DMD: variants seen among roughly 807,000 people sequenced by gnomAD.
The protein encoded by DMD is mutant dystrophin.
A neutral mutation model predicts 330.1 loss-of-function variants in DMD; 63 were observed. That is an observed-to-expected ratio of 0.19 (90% CI 0.16 to 0.24). DMD has a LOEUF of 0.24. Among genes scored for constraint, DMD ranks in the 10% least tolerant of loss-of-function variants. The pLI, the probability that DMD is intolerant of heterozygous loss-of-function variation, is 1.00. For missense variants in DMD, 3,344 were observed against 2,684.1 expected (o/e 1.25, Z -5.43); for synonymous variants, 1,223 against 959.8 (o/e 1.27, Z -5.07).
At chrX:31,514,820 T>C (rs1049008647) in intron 55 of DMD, among the ~76,000 whole-genome samples, 6 of 111,325 alleles carry the variant, frequency 5.4e-5, no homozygotes, top group African/African-American at 2.0e-4. Context: ...AAAGAAAATA[T>C]TCCAGGTAAA....
At chrX:31,273,966 G>A (rs1456740504) in intron 62 of DMD, among the ~76,000 whole-genome samples, 1 of 112,358 alleles carries the variant, frequency 8.9e-6, no homozygotes, top group East Asian at 2.8e-4. Flanking sequence ...GGGGAATGCT[G>A]TGTTCATGCA....
intron 44 of DMD, among the ~76,000 whole-genome samples, chrX:32,123,244 A>ATATATAT (rs1569544914): frequency 8.0e-4 from 34 of 42,702 alleles, no homozygotes; most frequent in African/African-American, 3.1e-3. Context: ...TATATATATA[A>ATATATAT]ATGATCAAAA....
chrX:32,729,706 T>C (rs903291658), intron 7 of DMD, among the ~76,000 whole-genome samples: 64 of 111,743 alleles, frequency 5.7e-4, no homozygotes, highest in African/African-American at 2.1e-3. Context: ...CTTATGTCTC[T>C]TAAGGAGCTT....
intron 2 of DMD, among the ~76,000 whole-genome samples, chrX:32,935,130 C>A (rs375551360): frequency 4.4e-5 from 5 of 112,398 alleles, no homozygotes; most frequent in Non-Finnish European, 5.6e-5. Context: ...AGGCGCCCGC[C>A]ACCACGCCCC....
Position 31,717,688 on chromosome X carries a change from C to T in DMD, c.7660+11943G>A, listed in dbSNP as rs17340888. Among the ~76,000 whole-genome samples, 372 of 112,223 alleles carry T rather than the reference C, an allele frequency of 3.3e-3. 1 individual carries two copies. Among genetic ancestry groups the T allele is most frequent in the East Asian group, 0.033 (118 of 3,563 alleles). On this transcript the variant is annotated intron_variant, in intron 52 of 78. Transcript: ENST00000357033. ...GTTCTGCACAATTACACTTGATGTT[C>T]ACATTTTCAGGTTGACTGGGTTTTA...
chrX:33,219,984 G>A (rs749908136), intron 1 of DMD, among the ~76,000 whole-genome samples: 1 of 110,945 alleles, frequency 9.0e-6, no homozygotes, highest in Non-Finnish European at 1.9e-5. Flanking sequence ...CAGCAAGAGA[G>A]GTAATTTGTT....
At chrX:31,368,603 G>C (rs2059382577) in intron 60 of DMD, among the ~76,000 whole-genome samples, 1 of 110,696 alleles carries the variant, frequency 9.0e-6, no homozygotes, top group Non-Finnish European at 1.9e-5. Flanking sequence ...CATTCTTCTT[G>C]TTCTCTTATT....
At chrX:31,414,165 C>A (rs1250248597) in intron 60 of DMD, among the ~76,000 whole-genome samples, 1 of 110,689 alleles carries the variant, frequency 9.0e-6, no homozygotes. Context: ...AGGCATGCAC[C>A]ACCACACCCG....
chrX:32,287,758 G>GAA lies in DMD; in HGVS notation c.6118-59_6118-58dup, dbSNP rs759994713. The stretch of plus-strand genomic sequence containing the variant: ...AATGAATTAGCTGTCTATAGAAAGA[G>GAA]AAAAATATATATATATATACAAATC... On this transcript the variant is annotated intron_variant, in intron 42 of 78. Transcript: ENST00000357033. 4,684 of 761,155 alleles carry GAA rather than the reference G, an allele frequency of 6.2e-3. 144 individuals carry two copies. In the African/African-American group the frequency reaches 0.099, roughly 16 times the overall value. 62.7% of individuals were successfully genotyped at this position (761,155 alleles called of 1,213,427 possible). A position where few individuals can be genotyped will look rare whatever the true frequency, so the allele number is the denominator to read the frequency against.
At chrX:32,318,547 A>G (rs886748942) in intron 41 of DMD, among the ~76,000 whole-genome samples, 1 of 111,109 alleles carries the variant, frequency 9.0e-6, no homozygotes, top group Non-Finnish European at 1.9e-5. Flanking sequence ...CGTGCATAGA[A>G]AAAATAGCAA....
At chrX:32,219,794 C>T (rs1340730703) in intron 43 of DMD, among the ~76,000 whole-genome samples, 11 of 111,913 alleles carry the variant, frequency 9.8e-5, no homozygotes, top group African/African-American at 3.6e-4. Flanking sequence ...AATGCCCATT[C>T]TTCATTTCAG....
intron 42 of DMD, among the ~76,000 whole-genome samples, chrX:32,306,808 G>A (rs1449431770): frequency 9.0e-6 from 1 of 110,802 alleles, no homozygotes; most frequent in Non-Finnish European, 1.9e-5. Flanking sequence ...TCCTTGTCTT[G>A]TTCATGTTCT....
rs2044125401 is a variant in DMD at position 31,206,865 on chromosome X, A to G, written c.9564-198T>C. ...ATTATCTCTTTGACTGATGACCTAC[A>G]ATGCAATGGAAATTCAACCAACTTG... On this transcript the variant is annotated intron_variant, in intron 65 of 78. Transcript: ENST00000357033. Among the ~76,000 whole-genome samples, 6 of 111,546 alleles carry G rather than the reference A, an allele frequency of 5.4e-5. No individual in the cohort carries two copies. In the Admixed American group the frequency reaches 5.7e-4, roughly 11 times the overall value.
intron 52 of DMD, among the ~76,000 whole-genome samples, chrX:31,701,594 C>G (rs1682184359): frequency 1.8e-5 from 2 of 111,845 alleles, no homozygotes; most frequent in Non-Finnish European, 3.8e-5. Context: ...CCGTCTACAA[C>G]CATGTTTATT....
chrX:32,906,009 T>G (rs2086696297), intron 2 of DMD, among the ~76,000 whole-genome samples: 1 of 112,129 alleles, frequency 8.9e-6, no homozygotes, highest in Non-Finnish European at 1.9e-5. Context: ...AATAACTGTC[T>G]GATTGCTCAG....
At chrX:32,357,256 C>A (rs1383910282) in intron 37 of DMD, among the ~76,000 whole-genome samples, 4 of 111,892 alleles carry the variant, frequency 3.6e-5, no homozygotes, top group African/African-American at 6.5e-5. Context: ...TTTTTGAATT[C>A]ATCATCTTCT....
At chrX:32,056,312 A>G (rs149250050) in intron 44 of DMD, among the ~76,000 whole-genome samples, 3,347 of 108,486 alleles carry the variant, frequency 0.031, 68 homozygotes, top group Non-Finnish European at 0.048. Flanking sequence ...GAAATAGAAA[A>G]CAATAGAAAA....
At chrX:33,188,111 G>A (rs2050348066) in intron 1 of DMD, among the ~76,000 whole-genome samples, 1 of 110,744 alleles carries the variant, frequency 9.0e-6, no homozygotes, top group African/African-American at 3.3e-5. Flanking sequence ...ATATAATGAG[G>A]AAATGGAAAA....
chrX:31,558,380 C>T (rs1257742222), intron 55 of DMD, among the ~76,000 whole-genome samples: 2 of 111,023 alleles, frequency 1.8e-5, no homozygotes, highest in Admixed American at 1.9e-4. Context: ...CAAGCTGCAA[C>T]GTGCGTGCAG....
Sources: allele counts gnomAD v4.1 joint callset (sites outside exome capture counted in the v4.1 genomes callset), GRCh38; gene constraint gnomAD v4.1.1; transcripts MANE v1.5; gene names NCBI Gene and HGNC (gene_info 2026-07-23, HGNC 2026-07-21).